The following TTLL5 variants were observed in gnomAD, a reference collection of about 807,000 sequenced individuals.
The protein encoded by TTLL5 is tubulin polyglutamylase TTLL5.
Under a neutral mutation model 168.4 loss-of-function variants are expected in TTLL5, and 132 were observed. The observed-to-expected ratio is 0.78, with a 90% confidence interval of 0.68 to 0.91. The LOEUF (loss-of-function observed/expected upper bound fraction) is 0.91, where lower values mean the gene tolerates loss of function less well. Ranked by LOEUF, TTLL5 falls within the 40% of genes least tolerant of loss-of-function variation. The probability of loss-of-function intolerance (pLI) is 0.00; values close to 1 mark genes in which losing one functional copy is unlikely to be tolerated. For synonymous variants in TTLL5, 546 were observed against 558.6 expected (o/e 0.98, Z 0.32); for missense variants, 1,545 against 1,581.5 (o/e 0.98, Z 0.39).
rs114059626 is a variant in TTLL5, at chr14:75,845,185, A to C, written c.3327-18482A>C. On this transcript the variant is annotated intron_variant, in intron 28 of 31. Coordinates refer to ENST00000298832, the MANE Select transcript of TTLL5 (RefSeq NM_015072.5). ...CTGTTCCCAGCACAGTGGCATACAG[A>C]GTTGGAGGAGTAGCAGGAGTTTTTT... Among the ~76,000 whole-genome samples the C allele has an allele frequency of 8.4e-3, 1,283 of 152,308 alleles. 18 individuals carry two copies. Among genetic ancestry groups the C allele is most frequent in the African/African-American group, 0.029 (1,209 of 41,562 alleles).
At chr14:75,824,727 GT>G (rs200747931) in intron 28 of TTLL5, among the ~76,000 whole-genome samples, 11,914 of 139,146 alleles carry the variant, frequency 0.086, 537 homozygotes, top group African/African-American at 0.11. Flanking sequence ...AAAATTATGT[GT>G]TTTTTTTTTT....
rs907725305 is a variant in TTLL5 at position 75,802,469 on chromosome 14, T to C, written c.3171+9369T>C. Among the ~76,000 whole-genome samples the C allele has an allele frequency of 2.6e-5, 4 of 152,262 alleles. No homozygotes were observed. The South Asian group carries it at 8.3e-4, about 31-fold the overall frequency. On this transcript the variant is annotated intron_variant, in intron 27 of 31. Coordinates refer to ENST00000298832, the MANE Select transcript of TTLL5 (RefSeq NM_015072.5). ...TATTTTGGAAGATGAGTATAGAATA[T>C]TGAAGTTGTTGGGTATTTCTGAAAA...
chr14:75,900,655 G>A (rs4903350), intron 30 of TTLL5, among the ~76,000 whole-genome samples: 136,154 of 152,194 alleles, frequency 0.89, 61,065 homozygotes, highest in African/African-American at 0.94. Flanking sequence ...AAAGGTTCCT[G>A]GGACATTCCA....
chr14:75,908,078 T>G (rs904703354), intron 31 of TTLL5, among the ~76,000 whole-genome samples: 1 of 152,238 alleles, frequency 6.6e-6, no homozygotes, highest in Non-Finnish European at 1.5e-5. Context: ...AGAGCCCATT[T>G]CTCAACATTT....
In TTLL5 at chr14:75,663,201, G is replaced by T. The variant is rs1337606986; in HGVS notation, c.52G>T (p.Asp18Tyr). 1.9e-6 allele frequency: 3 copies of T among 1,613,306 alleles called. No individual in the cohort carries two copies. In the Admixed American group the frequency reaches 5.0e-5, roughly 27 times the overall value. The change falls in exon 2 of 32, where the codon GAT (aspartate) becomes TAT (tyrosine). Residue 18 changes from aspartate to tyrosine, a missense_variant. Physicochemically the swap from Asp to Tyr is radical, Grantham distance 160. Coordinates refer to ENST00000298832, the MANE Select transcript of TTLL5 (RefSeq NM_015072.5). The stretch of plus-strand genomic sequence containing the variant: ...GGAGGAAACAGCATCATCCTCAGAG[G>T]ATGAGGAGGTCATAAGTCAAGAGTA... ...DLEETASSSEDEEVISQEDHP... is the reference protein window; with the variant it reads ...DLEETASSSEYEEVISQEDHP...
intron 31 of TTLL5, chr14:75,902,592 C>G (rs114174332): frequency 2.8e-4 from 129 of 464,798 alleles, no homozygotes; most frequent in African/African-American, 2.5e-3. Flanking sequence ...ATCTTATCCC[C>G]TCCACATGAG....
chr14:75,680,077 G>A (rs907222462), intron 3 of TTLL5, among the ~76,000 whole-genome samples: 2 of 152,220 alleles, frequency 1.3e-5, no homozygotes, highest in Non-Finnish European at 2.9e-5. Flanking sequence ...GTTCAATTCA[G>A]AAACTGTTCA....
intron 31 of TTLL5, among the ~76,000 whole-genome samples, chr14:75,919,904 T>G (rs984181190): frequency 6.6e-6 from 1 of 152,028 alleles, no homozygotes; most frequent in Non-Finnish European, 1.5e-5. Context: ...GCAGATCACT[T>G]GAGCTCAGGA....
chr14:75,930,130 C>T (rs1443476921), intron 31 of TTLL5, among the ~76,000 whole-genome samples: 1 of 152,142 alleles, frequency 6.6e-6, no homozygotes, highest in Non-Finnish European at 1.5e-5. Flanking sequence ...TGTGGCCTTG[C>T]TTGTATGGTC....
In TTLL5 at chr14:75,745,062, T is replaced by A. The variant is rs770013444; in HGVS notation, c.1282-33T>A. 8.9e-6 allele frequency: 14 copies of A among 1,574,366 alleles called. No homozygotes were observed. In the East Asian group the frequency reaches 2.1e-4, roughly 23 times the overall value. On this transcript the variant is annotated intron_variant, in intron 15 of 31. Coordinates refer to ENST00000298832, the MANE Select transcript of TTLL5 (RefSeq NM_015072.5). ...TGAGGAGTAATGAAAACTTAAAAAATTTTTTTTACTATTTTCATTTTCTTC... is the reference window on the plus strand; with the variant it reads ...TGAGGAGTAATGAAAACTTAAAAAAATTTTTTTACTATTTTCATTTTCTTC...
chr14:75,678,239 C>T (rs192219639), intron 3 of TTLL5, among the ~76,000 whole-genome samples: 4 of 152,186 alleles, frequency 2.6e-5, no homozygotes, highest in East Asian at 1.9e-4. Context: ...GTACAATGAA[C>T]GCATATAGTC....
intron 13 of TTLL5, 69 bp from the exon 14 acceptor site, chr14:75,733,920 C>G: frequency 2.1e-6 from 3 of 1,450,968 alleles, no homozygotes; most frequent in Non-Finnish European, 2.9e-6. Context: ...TATTGGGACC[C>G]ATCAGAGGGC....
At chr14:75,772,325 GTAC>G (rs1440650820) in intron 21 of TTLL5, among the ~76,000 whole-genome samples, 7 of 152,142 alleles carry the variant, frequency 4.6e-5, no homozygotes, top group Non-Finnish European at 1.0e-4. Context: ...AAACTCAGAT[GTAC>G]TTTACTTGCT....
At chr14:75,938,794 A>T (rs1250904288) in intron 31 of TTLL5, among the ~76,000 whole-genome samples, 1 of 152,178 alleles carries the variant, frequency 6.6e-6, no homozygotes, top group African/African-American at 2.4e-5. Context: ...GTGTCTTCCC[A>T]TAATGCCCCA....
In TTLL5 at chr14:75,779,630, A is replaced by G. The variant is rs1398857029; in HGVS notation, c.2443A>G (p.Ser815Gly). The change falls in exon 24 of 32, where the codon AGT (serine) becomes GGT (glycine). Residue 815 changes from serine to glycine, a missense_variant. By Grantham distance (56) the Ser-to-Gly change is moderately conservative. Coordinates refer to ENST00000298832, the MANE Select transcript of TTLL5 (RefSeq NM_015072.5). ...TTATACCCAAAAGAACAAGTCTGCT[A>G]GTGTCTTCCTGGGGACTCACTCTAA... ...TFYTQKNKSA[S>G]VFLGTHSKIS... 6.2e-7 allele frequency: 1 copy of G among 1,613,692 alleles called. No individual in the cohort carries two copies. The highest frequency in any genetic ancestry group is 8.5e-7 in the Non-Finnish European group (1 of 1,179,864).
chr14:75,836,991 G>A lies in TTLL5; in HGVS notation c.3326+16830G>A, dbSNP rs547921240. ...ACCTATTGCAACAAAACAAATTACT[G>A]TAACATTTAGTGGCTTAAAATAATA... On this transcript the variant is annotated intron_variant, in intron 28 of 31. Transcript: ENST00000298832. Among the ~76,000 whole-genome samples the A allele has an allele frequency of 3.3e-5, 5 of 152,278 alleles. No individual in the cohort carries two copies. The South Asian group carries it at 1.0e-3, about 32-fold the overall frequency.
At chr14:75,683,698 T>C in intron 5 of TTLL5, 42 bp downstream of exon 5, 2 of 1,499,070 alleles carry the variant, frequency 1.3e-6, no homozygotes, top group Non-Finnish European at 1.9e-6. Flanking sequence ...TAAAGGTACA[T>C]GACATTGGGG....
intron 27 of TTLL5, among the ~76,000 whole-genome samples, chr14:75,796,773 C>A (rs1037593117): frequency 1.1e-4 from 17 of 152,068 alleles, no homozygotes; most frequent in Non-Finnish European, 4.4e-5. Context: ...CTATTCTGTT[C>A]TATTGGTCTA....
At chr14:75,939,947 A>G (rs1269155733) in intron 31 of TTLL5, among the ~76,000 whole-genome samples, 1 of 152,352 alleles carries the variant, frequency 6.6e-6, no homozygotes, top group East Asian at 1.9e-4. Context: ...CAGTGAGCAG[A>G]AAACAAAAAT....
Sources: gnomAD v4.1 joint callset for allele counts (sites outside exome capture counted in the v4.1 genomes callset) on GRCh38, gnomAD v4.1.1 for gene constraint, MANE v1.5 for transcripts, NCBI Gene and HGNC (gene_info 2026-07-23, HGNC 2026-07-21) for gene names.